Variants in PINX1 observed in about 807,000 individuals in gnomAD.
PINX1 encodes the protein PIN2/TERF1-interacting telomerase inhibitor 1.
In PINX1, 34 loss-of-function variants were observed where a neutral mutation model predicts 25.4. The ratio of observed to expected loss-of-function variants is 1.34; its 90% CI spans 1.02 to 1.78. The LOEUF is 1.78. Among genes scored for constraint, PINX1 ranks in the 40% most tolerant of loss-of-function variants. The pLI, the probability that PINX1 is intolerant of heterozygous loss-of-function variation, is 0.00. For missense variants in PINX1, 592 were observed against 404.9 expected, an observed-to-expected ratio of 1.46 and a Z score of -3.97; for synonymous variants, 197 against 147.7, an observed-to-expected ratio of 1.33 and a Z score of -2.42.
chr8:10,765,616 C>G lies in PINX1; in HGVS notation c.772G>C (p.Glu258Gln). ...CAGCAGGGGCCTCTGAGCTGCTCTTCTGCTGGCGCGCTCTTCTTCTTGGCC... is the reference window on the plus strand; with the variant it reads ...CAGCAGGGGCCTCTGAGCTGCTCTTGTGCTGGCGCGCTCTTCTTCTTGGCC... ...RVAKKKSAPAEEQLRGPCWDQ... is the reference protein window; with the variant it reads ...RVAKKKSAPAQEQLRGPCWDQ... Residue 258 changes from glutamate (E) to glutamine (Q), a missense_variant, in exon 7 of 7, where the codon GAA (glutamate) becomes CAA (glutamine). Glu to Gln is a conservative substitution (Grantham distance 29). Transcript: ENST00000314787. The G allele has an allele frequency of 6.2e-7, 1 of 1,613,854 alleles. No homozygotes were observed. The highest frequency in any genetic ancestry group is 8.5e-7 in the Non-Finnish European group (1 of 1,179,874).
intron 4 of PINX1, among the ~76,000 whole-genome samples, chr8:10,829,091 G>C (rs910634571): frequency 2.0e-5 from 3 of 152,120 alleles, no homozygotes; most frequent in African/African-American, 7.2e-5. Context: ...TTGGAGACCA[G>C]CCTGACCAAC....
intron 6 of PINX1, among the ~76,000 whole-genome samples, chr8:10,773,964 C>A (rs192720779): frequency 1.1e-4 from 17 of 152,338 alleles, no homozygotes; most frequent in Non-Finnish European, 2.2e-4. Context: ...TGACACAGGC[C>A]TCAACTTCTG....
At chr8:10,770,997 C>G (rs949454912) in intron 6 of PINX1, among the ~76,000 whole-genome samples, 1 of 152,166 alleles carries the variant, frequency 6.6e-6, no homozygotes, top group African/African-American at 2.4e-5. Context: ...GTTGTGAGCC[C>G]TGATGGCTAT....
At chr8:10,769,749 G>C (rs1269494563) in intron 6 of PINX1, among the ~76,000 whole-genome samples, 1 of 152,208 alleles carries the variant, frequency 6.6e-6, no homozygotes, top group Non-Finnish European at 1.5e-5. Context: ...AACACAGCAG[G>C]AGAGAGACAG....
intron 6 of PINX1, among the ~76,000 whole-genome samples, chr8:10,766,220 T>C (rs1801039370): frequency 6.6e-6 from 1 of 152,224 alleles, no homozygotes; most frequent in Non-Finnish European, 1.5e-5. Flanking sequence ...GCCGCCTCGA[T>C]GGAATTCTGA....
At chr8:10,789,295 G>C (rs1801848775) in intron 6 of PINX1, among the ~76,000 whole-genome samples, 1 of 152,184 alleles carries the variant, frequency 6.6e-6, no homozygotes, top group South Asian at 2.1e-4. Flanking sequence ...GATGTAATAA[G>C]GTATAAGTGA....
chr8:10,829,774 C>T (rs1482961822), intron 4 of PINX1, among the ~76,000 whole-genome samples: 1 of 152,116 alleles, frequency 6.6e-6, no homozygotes, highest in Non-Finnish European at 1.5e-5. Flanking sequence ...CAAACTCCGC[C>T]TCCCAGGTTC....
chr8:10,798,404 T>C (rs1802158567), intron 6 of PINX1, among the ~76,000 whole-genome samples: 1 of 152,254 alleles, frequency 6.6e-6, no homozygotes, highest in Non-Finnish European at 1.5e-5. Context: ...TGTGGCAACA[T>C]ATTATTTTTA....
intron 6 of PINX1, among the ~76,000 whole-genome samples, chr8:10,767,701 T>C (rs113820477): frequency 0.027 from 4,147 of 150,976 alleles, 88 homozygotes; most frequent in Middle Eastern, 0.093. Flanking sequence ...AGATCCTGCC[T>C]CCCAAAGACG....
intron 6 of PINX1, among the ~76,000 whole-genome samples, chr8:10,798,197 T>C (rs1392091204): frequency 2.0e-5 from 3 of 152,212 alleles, no homozygotes; most frequent in Non-Finnish European, 4.4e-5. Flanking sequence ...CTGCATTTCT[T>C]TTAGAGTCCA....
chr8:10,765,070 A>G lies in PINX1; in HGVS notation c.*331T>C, dbSNP rs1224157215. ...GAGATAGTGACACACACACACACAC[A>G]CAGATGCGCACATGCACACACACGT... On this transcript the variant is annotated 3_prime_UTR_variant, in exon 7 of 7. Coordinates refer to ENST00000314787, the MANE Select transcript of PINX1 (RefSeq NM_017884.6). 1.2e-5 allele frequency: 3 copies of G among 249,656 alleles called. No homozygotes were observed. The highest frequency in any genetic ancestry group is 2.3e-5 in the Non-Finnish European group (3 of 131,704). The allele number at this position is 249,656 out of a possible 1,614,324, so 15.5% of individuals were successfully genotyped here.
At chr8:10,798,943 C>T (rs1802175667) in intron 6 of PINX1, among the ~76,000 whole-genome samples, 1 of 152,244 alleles carries the variant, frequency 6.6e-6, no homozygotes, top group East Asian at 1.9e-4. Context: ...AGAAAATAAT[C>T]AGTTTTCCCA....
intron 6 of PINX1, among the ~76,000 whole-genome samples, chr8:10,818,160 A>C (rs1284732055): frequency 6.6e-6 from 1 of 152,156 alleles, no homozygotes; most frequent in African/African-American, 2.4e-5. Context: ...CACTGGAAGA[A>C]AACACTGAAC....
intron 5 of PINX1, among the ~76,000 whole-genome samples, chr8:10,823,431 A>C (rs1797936419): frequency 6.6e-6 from 1 of 152,126 alleles, no homozygotes; most frequent in African/African-American, 2.4e-5. Flanking sequence ...CTCACCATCC[A>C]GTCAGAAAAC....
chr8:10,773,985 C>T (rs1026186072), intron 6 of PINX1, among the ~76,000 whole-genome samples: 2 of 152,230 alleles, frequency 1.3e-5, no homozygotes, highest in African/African-American at 4.8e-5. Flanking sequence ...TGAATGATGT[C>T]TAAAAATAAT....
intron 6 of PINX1, among the ~76,000 whole-genome samples, chr8:10,775,410 GTTTTTTT>G (rs143926728): frequency 3.6e-5 from 4 of 109,594 alleles, no homozygotes; most frequent in Admixed American, 3.0e-4. Flanking sequence ...CTGTTTTGTG[GTTTTTTT>G]TTTTTTTTTT....
chr8:10,790,513 G>T (rs1314446766), intron 6 of PINX1, among the ~76,000 whole-genome samples: 1 of 152,124 alleles, frequency 6.6e-6, no homozygotes, highest in Admixed American at 6.5e-5. Flanking sequence ...TCCTCTCCCA[G>T]GAGCCGTGTC....
intron 6 of PINX1, among the ~76,000 whole-genome samples, chr8:10,779,586 C>T (rs186277938): frequency 1.4e-4 from 21 of 152,266 alleles, no homozygotes; most frequent in East Asian, 7.7e-4. Flanking sequence ...TGGCATTACT[C>T]TGTAACTATT....
chr8:10,795,065 T>C (rs1431240573), intron 6 of PINX1, among the ~76,000 whole-genome samples: 1 of 152,208 alleles, frequency 6.6e-6, no homozygotes, highest in Non-Finnish European at 1.5e-5. Context: ...TGGGTATGCA[T>C]TCAGAGAATC....
Sources: gnomAD v4.1 joint callset for allele counts (sites outside exome capture counted in the v4.1 genomes callset) on GRCh38, gnomAD v4.1.1 for gene constraint, MANE v1.5 for transcripts, NCBI Gene and HGNC (gene_info 2026-07-23, HGNC 2026-07-21) for gene names.